Variants in CRTAC1 observed in about 807,000 individuals in gnomAD.
CRTAC1 encodes acidic secreted protein in cartilage.
A neutral mutation model predicts 67.8 loss-of-function variants in CRTAC1; 37 were observed. The ratio of observed to expected loss-of-function variants is 0.55; its 90% CI spans 0.42 to 0.72. CRTAC1 has a LOEUF of 0.72. Ranked by LOEUF, CRTAC1 falls within the 30% of genes least tolerant of loss-of-function variation. The probability of loss-of-function intolerance (pLI) is 0.00; values close to 1 mark genes in which losing one functional copy is unlikely to be tolerated. For missense variants in CRTAC1, 780 were observed against 931.6 expected (o/e 0.84, Z 2.12); for synonymous variants, 348 against 371.0 (o/e 0.94, Z 0.71).
intron 2 of CRTAC1, among the ~76,000 whole-genome samples, chr10:97,955,481 A>G (rs2051425858): frequency 6.6e-6 from 1 of 152,248 alleles, no homozygotes; most frequent in Admixed American, 6.5e-5. Context: ...CCTTGTCTCT[A>G]GAGTCAGACA....
intron 2 of CRTAC1, among the ~76,000 whole-genome samples, chr10:97,978,343 G>C (rs1350871346): frequency 1.3e-5 from 2 of 152,084 alleles, no homozygotes; most frequent in South Asian, 4.2e-4. Flanking sequence ...CTGTCACCTT[G>C]GTAGCGTTCC....
chr10:97,954,287 A>T (rs1000816415), intron 2 of CRTAC1, among the ~76,000 whole-genome samples: 5 of 152,210 alleles, frequency 3.3e-5, no homozygotes, highest in African/African-American at 1.2e-4. Context: ...GACTGGATGT[A>T]GATGGTGATA....
At chr10:97,882,047 G>C (rs1438803754) in intron 13 of CRTAC1, among the ~76,000 whole-genome samples, 1 of 152,214 alleles carries the variant, frequency 6.6e-6, no homozygotes, top group Non-Finnish European at 1.5e-5. Flanking sequence ...GCTCCTGAGA[G>C]TGGTATCTGT....
Position 97,975,028 on chromosome 10 carries a change from G to A in CRTAC1, c.224+36110C>T, listed in dbSNP as rs1416699569. Among the ~76,000 whole-genome samples the A allele has an allele frequency of 6.6e-6, 1 of 152,060 alleles. No individual in the cohort carries two copies. The highest frequency in any genetic ancestry group is 6.5e-5 in the Admixed American group (1 of 15,278). ...AACGTGGAGCCCGCGGGAGGAGGCC[G>A]GAGCGCGGGCAGGGACTGGCGCGGG... On this transcript the variant is annotated intron_variant, in intron 2 of 14. Transcript: ENST00000370597. The surrounding 1 kb of genome is among the most constrained non-coding windows in gnomAD (Gnocchi z 4.8).
intron 5 of CRTAC1, 44 bp from the exon 6 acceptor site, chr10:97,908,191 C>A: frequency 6.2e-7 from 1 of 1,609,568 alleles, no homozygotes; most frequent in South Asian, 1.1e-5. Flanking sequence ...AAGCAAGCCC[C>A]AGGCCCACCT....
intron 2 of CRTAC1, among the ~76,000 whole-genome samples, chr10:97,995,040 C>T (rs1842533172): frequency 6.6e-6 from 1 of 152,244 alleles, no homozygotes; most frequent in Non-Finnish European, 1.5e-5. Context: ...TCCATGACCT[C>T]ATATGGCTAT....
rs144070056 is a variant in CRTAC1 at position 97,990,195 on chromosome 10, G to A, written c.224+20943C>T. Among the ~76,000 whole-genome samples the A allele has an allele frequency of 2.6e-5, 4 of 152,260 alleles. No homozygotes were observed. The East Asian group carries it at 7.7e-4, about 29-fold the overall frequency. On this transcript the variant is annotated intron_variant, in intron 2 of 14. Coordinates refer to ENST00000370597, the MANE Select transcript of CRTAC1 (RefSeq NM_018058.7). ...GTAATAACTCTGTGACCTCTAGGTT[G>A]GCATTCCCTACTTTAAAATATATGG...
At chr10:97,997,022 G>C (rs1002084998) in intron 2 of CRTAC1, among the ~76,000 whole-genome samples, 5 of 144,980 alleles carry the variant, frequency 3.4e-5, no homozygotes, top group Non-Finnish European at 1.5e-5. Flanking sequence ...ACTCATAAGT[G>C]GGAATTGAAC....
chr10:97,895,847 C>T lies in CRTAC1; in HGVS notation c.1317+38G>A. ...CCAACTCAAGGTACCCGAGAGCACA[C>T]AGGGCTGGGATCTGTGGCTCCTGAG... On this transcript the variant is annotated intron_variant, in intron 10 of 14. Coordinates refer to ENST00000370597, the MANE Select transcript of CRTAC1 (RefSeq NM_018058.7). This position sits in a 1 kb window ranked among gnomAD's most constrained non-coding sequence, Gnocchi z 4.2. 4 of 1,557,420 alleles carry T rather than the reference C, an allele frequency of 2.6e-6. No homozygotes were observed. The highest frequency in any genetic ancestry group is 2.3e-5 in the East Asian group (1 of 44,134).
intron 2 of CRTAC1, among the ~76,000 whole-genome samples, chr10:97,988,561 A>G (rs1244792018): frequency 6.6e-6 from 1 of 152,154 alleles, no homozygotes; most frequent in African/African-American, 2.4e-5. Flanking sequence ...CTCTACTAAA[A>G]ATATAAAAAT....
chr10:97,927,842 G>T (rs899017744), intron 3 of CRTAC1, among the ~76,000 whole-genome samples: 1 of 152,160 alleles, frequency 6.6e-6, no homozygotes, highest in Non-Finnish European at 1.5e-5. Context: ...GATAAACAGC[G>T]AGCTGTGCGG....
intron 2 of CRTAC1, among the ~76,000 whole-genome samples, chr10:97,967,099 A>G (rs1401954433): frequency 6.6e-6 from 1 of 151,752 alleles, no homozygotes; most frequent in African/African-American, 2.4e-5. Flanking sequence ...GTGTATCGAC[A>G]TCAATTATTT....
At chr10:98,016,307 G>A (rs574427223) in intron 1 of CRTAC1, among the ~76,000 whole-genome samples, 1 of 152,262 alleles carries the variant, frequency 6.6e-6, no homozygotes, top group South Asian at 2.1e-4. Context: ...CCTAGCAGGC[G>A]CTCTGTTAAT....
intron 4 of CRTAC1, among the ~76,000 whole-genome samples, chr10:97,918,740 G>T (rs1207373710): frequency 6.6e-6 from 1 of 151,756 alleles, no homozygotes; most frequent in Non-Finnish European, 1.5e-5. Flanking sequence ...CACAATTCTT[G>T]TTCCACCTAA....
At chr10:97,948,412 A>G (rs903850980) in intron 2 of CRTAC1, among the ~76,000 whole-genome samples, 8 of 152,172 alleles carry the variant, frequency 5.3e-5, no homozygotes, top group African/African-American at 1.9e-4. Context: ...ATGGGGCCAC[A>G]GTGTGGATGG....
chr10:98,028,846 C>T (rs1843296027), intron 1 of CRTAC1, among the ~76,000 whole-genome samples: 1 of 152,134 alleles, frequency 6.6e-6, no homozygotes, highest in South Asian at 2.1e-4. Flanking sequence ...GAACATCCAC[C>T]TACATTCAGG....
intron 3 of CRTAC1, among the ~76,000 whole-genome samples, chr10:97,934,892 C>A (rs1237027594): frequency 7.9e-5 from 12 of 151,182 alleles, no homozygotes; most frequent in Non-Finnish European, 1.5e-5. Context: ...GATGTTACAG[C>A]CCCACAGGCC....
intron 14 of CRTAC1, chr10:97,867,675 G>C (rs149385875): frequency 1.3e-5 from 2 of 152,356 alleles, no homozygotes; most frequent in South Asian, 2.1e-4. Context: ...TCCCATGGGA[G>C]GGCTGGGCAC....
rs535426349 is a variant in CRTAC1 at position 97,880,196 on chromosome 10, C to T, written c.1819+53G>A. The T allele has an allele frequency of 1.4e-5, 22 of 1,598,598 alleles. No individual in the cohort carries two copies. The Admixed American group carries it at 2.0e-4, about 15-fold the overall frequency. On this transcript the variant is annotated intron_variant, in intron 14 of 14. Transcript: ENST00000370597. ...GATCTGGGGCCTACCCAGAGCTCCC[C>T]AGTGGAAAGCAACATCCTTTTGCTA...
Sources: allele counts gnomAD v4.1 joint callset (sites outside exome capture counted in the v4.1 genomes callset), GRCh38; gene constraint gnomAD v4.1.1; non-coding constraint Gnocchi (gnomAD v3.1); transcripts MANE v1.5; gene names NCBI Gene and HGNC (gene_info 2026-07-23, HGNC 2026-07-21).